Variants in TMPRSS4 observed in about 807,000 individuals in gnomAD.
The protein encoded by TMPRSS4 is transmembrane serine protease 4, also known as transmembrane protease serine 4.
A neutral mutation model predicts 56.4 loss-of-function variants in TMPRSS4; 45 were observed. That is an observed-to-expected ratio of 0.80 (90% confidence interval 0.63 to 1.02). The LOEUF (loss-of-function observed/expected upper bound fraction) is 1.02, where lower values mean the gene tolerates loss of function less well. Ranked by LOEUF, TMPRSS4 falls within the 50% of genes least tolerant of loss-of-function variation. The pLI, the probability that TMPRSS4 is intolerant of heterozygous loss-of-function variation, is 0.00. For synonymous variants in TMPRSS4, 205 were observed against 211.0 expected, an observed-to-expected ratio of 0.97 and a Z score of 0.25; for missense variants, 546 against 556.7, an observed-to-expected ratio of 0.98 and a Z score of 0.19.
At chr11:118,086,052 C>T (rs538435457) in intron 1 of TMPRSS4, among the ~76,000 whole-genome samples, 75 of 152,354 alleles carry the variant, frequency 4.9e-4, no homozygotes, top group African/African-American at 1.7e-3. Flanking sequence ...CCAGGTCTGT[C>T]TTCAGTTTAA....
At chr11:118,122,601 G>A (rs1204098969), downstream of TMPRSS4, among the ~76,000 whole-genome samples, 4 of 152,204 alleles carry the variant, frequency 2.6e-5, no homozygotes, top group African/African-American at 9.7e-5. Flanking sequence ...AATATTTAAA[G>A]AGGAAAAGTT....
In TMPRSS4 at chr11:118,118,478, A is replaced by G. The variant is rs1268492956; in HGVS notation, c.*565A>G. 26 of 986,122 alleles carry G rather than the reference A, an allele frequency of 2.6e-5. No individual in the cohort carries two copies. The highest frequency in any genetic ancestry group is 5.2e-5 in the African/African-American group (3 of 57,386). 61.1% of individuals were successfully genotyped at this position (986,122 alleles called of 1,614,324 possible). On this transcript the variant is annotated 3_prime_UTR_variant, in exon 13 of 13. Coordinates refer to ENST00000437212, the MANE Select transcript of TMPRSS4 (RefSeq NM_019894.4). ...TGGCATAGGCTAGCTGGAATGCTTG[A>G]TAAGAACTGAGCTGGGATGATTGAA...
chr11:118,110,292 G>C (rs572475248), intron 7 of TMPRSS4, among the ~76,000 whole-genome samples: 3 of 151,898 alleles, frequency 2.0e-5, no homozygotes, highest in African/African-American at 7.2e-5. Flanking sequence ...TGGTTGCATG[G>C]AAGACAATTT....
chr11:118,112,699 T>TATTC (rs1947339078), intron 8 of TMPRSS4, among the ~76,000 whole-genome samples: 2 of 152,078 alleles, frequency 1.3e-5, no homozygotes, highest in South Asian at 4.1e-4. Context: ...GGCTTTTATT[T>TATTC]ATTCATTCAT....
At position 118,103,135 on chromosome 11, in the gene TMPRSS4, C is replaced by T. The variant is rs547733589; in HGVS notation, c.192C>T (p.Cys64=). Reference sequence around the variant, plus strand: ...TTCTGGATAAATACTACTTCCTCTGCGGGCAGCCTCTCCACTTCATCCCGA... The same window carrying T: ...TTCTGGATAAATACTACTTCCTCTGTGGGCAGCCTCTCCACTTCATCCCGA... The part of the protein sequence containing the change: ...KVILDKYYFL[C]GQPLHFIPRK... Residue 64 remains cysteine (C), a synonymous_variant, in exon 4 of 13, where the codon TGC becomes TGT. Transcript: ENST00000437212. The T allele has an allele frequency of 4.1e-5, 66 of 1,614,210 alleles. No individual in the cohort carries two copies. In the East Asian group the frequency reaches 5.3e-4, roughly 13 times the overall value.
At chr11:118,110,289 A>C (rs1486944926) in intron 7 of TMPRSS4, among the ~76,000 whole-genome samples, 6 of 152,130 alleles carry the variant, frequency 3.9e-5, no homozygotes. Context: ...GACTGGTTGC[A>C]TGGAAGACAA....
chr11:118,107,705 C>T (rs1947062624), intron 5 of TMPRSS4, 69 bp from the exon 6 acceptor site: 1 of 1,352,074 alleles, frequency 7.4e-7, no homozygotes, highest in Non-Finnish European at 1.0e-6. Context: ...AAAGTGGGGG[C>T]CAACTCTACC....
At chr11:118,095,581 G>A (rs149750923) in intron 2 of TMPRSS4, among the ~76,000 whole-genome samples, 2 of 152,262 alleles carry the variant, frequency 1.3e-5, no homozygotes, top group East Asian at 3.9e-4. Flanking sequence ...AGTAGGCCAT[G>A]GTGTCCCCAA....
At chr11:118,106,675 A>ACTCG (rs1330402843) in intron 5 of TMPRSS4, 5 of 152,134 alleles carry the variant, frequency 3.3e-5, no homozygotes, top group Non-Finnish European at 1.5e-5. Flanking sequence ...GTAGAGACCG[A>ACTCG]GTTTCACCAT....
intron 5 of TMPRSS4, chr11:118,105,665 G>A (rs1006748712): frequency 6.6e-6 from 1 of 152,132 alleles, no homozygotes; most frequent in African/African-American, 2.4e-5. Context: ...GAGTTTAGCT[G>A]GAGAGGATGG....
At chr11:118,125,295 G>A (rs1287931216), downstream of TMPRSS4, 2 of 456,706 alleles carry the variant, frequency 4.4e-6, no homozygotes, top group Non-Finnish European at 8.8e-6. Context: ...TCTTCCCTAG[G>A]ATAGAACTAT....
chr11:118,117,661 G>A (rs1947633774), intron 12 of TMPRSS4: 1 of 985,284 alleles, frequency 1.0e-6, no homozygotes, highest in Non-Finnish European at 1.2e-6. Flanking sequence ...AAATACCTTA[G>A]GGAATAGAAC....
intron 9 of TMPRSS4, 82 bp downstream of exon 9, chr11:118,113,517 T>C: frequency 2.0e-6 from 3 of 1,491,234 alleles, no homozygotes; most frequent in East Asian, 4.6e-5. Flanking sequence ...TGACCGCCCT[T>C]GGCACATAAT....
chr11:118,117,623 C>T (rs1433465081), intron 12 of TMPRSS4, 169 bp downstream of exon 12: 1 of 981,660 alleles, frequency 1.0e-6, no homozygotes, highest in Non-Finnish European at 1.2e-6. Flanking sequence ...GGCTGAAATT[C>T]CTTAGGTCAG....
chr11:118,096,049 C>T (rs1243240913), intron 2 of TMPRSS4, among the ~76,000 whole-genome samples: 2 of 152,224 alleles, frequency 1.3e-5, no homozygotes, highest in African/African-American at 4.8e-5. Flanking sequence ...GTCACTCACT[C>T]TTGGAGAAAA....
At chr11:118,106,338 C>T (rs979691447) in intron 5 of TMPRSS4, 2 of 152,188 alleles carry the variant, frequency 1.3e-5, no homozygotes, top group African/African-American at 4.8e-5. Context: ...GTTAACTTTC[C>T]TGGGAATGTC....
chr11:118,099,729 C>T (rs1054133782), intron 3 of TMPRSS4, among the ~76,000 whole-genome samples: 1 of 152,072 alleles, frequency 6.6e-6, no homozygotes, highest in Non-Finnish European at 1.5e-5. Context: ...CTCTGAGCAG[C>T]GGCTGGAAGA....
At chr11:118,078,378 G>C (rs772447719) in intron 1 of TMPRSS4, among the ~76,000 whole-genome samples, 1 of 152,152 alleles carries the variant, frequency 6.6e-6, no homozygotes, top group Non-Finnish European at 1.5e-5. Context: ...AAGGGGGAAG[G>C]GTGTGACCTG....
intron 4 of TMPRSS4, 77 bp from the exon 5 acceptor site, chr11:118,104,614 G>A (rs1946892600): frequency 6.2e-7 from 1 of 1,605,930 alleles, no homozygotes; most frequent in Non-Finnish European, 8.5e-7. Flanking sequence ...AGCTTGGGCT[G>A]GTCTCATGAT....
Sources: gnomAD v4.1 joint callset for allele counts (sites outside exome capture counted in the v4.1 genomes callset) on GRCh38, gnomAD v4.1.1 for gene constraint, MANE v1.5 for transcripts, NCBI Gene and HGNC (gene_info 2026-07-23, HGNC 2026-07-21) for gene names.